TTC28: variants seen among roughly 807,000 people sequenced by gnomAD.
The protein encoded by TTC28 is tetratricopeptide repeat domain 28.
TTC28 carries 61 observed loss-of-function variants against 198.0 expected under a neutral mutation model. That is an observed-to-expected ratio of 0.31 (90% confidence interval 0.25 to 0.38). The LOEUF (loss-of-function observed/expected upper bound fraction) is 0.38, where lower values mean the gene tolerates loss of function less well. Among genes scored for constraint, TTC28 ranks in the 10% least tolerant of loss-of-function variants. The pLI, the probability that TTC28 is intolerant of heterozygous loss-of-function variation, is 1.00. For missense variants in TTC28, 2,678 were observed against 3,164.0 expected (o/e 0.85, Z 3.69); for synonymous variants, 1,171 against 1,297.8 (o/e 0.90, Z 2.10).
chr22:28,632,163 C>T (rs537017778), intron 1 of TTC28, among the ~76,000 whole-genome samples: 1 of 150,770 alleles, frequency 6.6e-6, no homozygotes, highest in East Asian at 1.9e-4. Context: ...TTCCTCTGTT[C>T]ACACGGATAT....
chr22:28,151,885 T>C (rs1943617018), intron 6 of TTC28, among the ~76,000 whole-genome samples: 1 of 152,166 alleles, frequency 6.6e-6, no homozygotes. Flanking sequence ...AAAGCTGAGG[T>C]GTGCAGTTTG....
intron 2 of TTC28, among the ~76,000 whole-genome samples, chr22:28,611,442 A>G (rs1256665618): frequency 6.6e-6 from 1 of 151,990 alleles, no homozygotes; most frequent in East Asian, 1.9e-4. Context: ...TTTTCAACCC[A>G]TAATTTCATA....
At chr22:28,640,493 G>C (rs972564240) in intron 1 of TTC28, among the ~76,000 whole-genome samples, 3 of 151,508 alleles carry the variant, frequency 2.0e-5, no homozygotes, top group Admixed American at 6.6e-5. Flanking sequence ...TGAACCCATA[G>C]CTTTCAGACT....
chr22:28,337,707 A>C lies in TTC28; in HGVS notation c.382-31064T>G, dbSNP rs374089894. Among the ~76,000 whole-genome samples the C allele has an allele frequency of 2.0e-5, 3 of 152,096 alleles. No homozygotes were observed. The East Asian group carries it at 5.8e-4, about 29-fold the overall frequency. ...CCATTTGCTTGGTAGATGTTCCTCCATCCCTTTATTTTGAGCCTATGTGTG... is the reference window on the plus strand; with the variant it reads ...CCATTTGCTTGGTAGATGTTCCTCCCTCCCTTTATTTTGAGCCTATGTGTG... On this transcript the variant is annotated intron_variant, in intron 2 of 22. Coordinates refer to ENST00000397906, the MANE Select transcript of TTC28 (RefSeq NM_001145418.2).
intron 12 of TTC28, among the ~76,000 whole-genome samples, chr22:28,044,560 G>A (rs546629476): frequency 1.3e-4 from 20 of 151,944 alleles, no homozygotes; most frequent in African/African-American, 2.7e-4. Flanking sequence ...CCATTAACTC[G>A]TCATTTATCA....
At chr22:28,324,473 T>C (rs566438122) in intron 2 of TTC28, among the ~76,000 whole-genome samples, 46 of 151,972 alleles carry the variant, frequency 3.0e-4, no homozygotes, top group African/African-American at 1.0e-3. Context: ...CTGATGATCA[T>C]TGATGCAAAA....
intron 6 of TTC28, among the ~76,000 whole-genome samples, chr22:28,130,418 T>C (rs1174627112): frequency 6.6e-6 from 1 of 152,226 alleles, no homozygotes; most frequent in African/African-American, 2.4e-5. Flanking sequence ...TAGTTGTATC[T>C]TCATAATGAT....
chr22:27,998,565 G>A lies in TTC28; in HGVS notation c.5094C>T (p.Ala1698=). 1.3e-6 allele frequency: 2 copies of A among 1,550,522 alleles called. No individual in the cohort carries two copies. The highest frequency in any genetic ancestry group is 1.7e-6 in the Non-Finnish European group (2 of 1,146,870). The change falls in exon 16 of 23, where the codon GCC becomes GCT. Residue 1698 remains alanine, a synonymous_variant. Coordinates refer to ENST00000397906, the MANE Select transcript of TTC28 (RefSeq NM_001145418.2). ...EAMKVVQSSK[A]FSHPSNWAGF... Reference sequence around the variant, plus strand: ...CTGCCCAGTTGGAGGGGTGCGAGAAGGCCTTGCTGCTCTGCACCACCTTCA... The same window carrying A: ...CTGCCCAGTTGGAGGGGTGCGAGAAAGCCTTGCTGCTCTGCACCACCTTCA...
chr22:28,430,282 T>A (rs2047412259), intron 2 of TTC28, among the ~76,000 whole-genome samples: 2 of 152,162 alleles, frequency 1.3e-5, no homozygotes, highest in Non-Finnish European at 2.9e-5. Context: ...GTAATTATCT[T>A]GTACTCTCTA....
chr22:28,202,408 G>A (rs1926045772), intron 5 of TTC28, among the ~76,000 whole-genome samples: 1 of 151,878 alleles, frequency 6.6e-6, no homozygotes, highest in Admixed American at 6.6e-5. Context: ...ATGGCAGCAG[G>A]AGCCTGTCAT....
intron 5 of TTC28, among the ~76,000 whole-genome samples, chr22:28,215,719 C>T (rs1445280902): frequency 1.3e-5 from 2 of 152,072 alleles, no homozygotes; most frequent in Non-Finnish European, 2.9e-5. Context: ...GATGTTCTAT[C>T]GCTCATATGC....
At position 28,293,604 on chromosome 22, in the gene TTC28, A is replaced by C. The variant is rs563964437; in HGVS notation, c.933+2594T>G. Among the ~76,000 whole-genome samples, 64 of 152,290 alleles carry C rather than the reference A, an allele frequency of 4.2e-4. No homozygotes were observed. The South Asian group carries it at 0.013, about 31-fold the overall frequency. ...CATATTGCATACTCAAAATTTGCTA[A>C]AAGATTAGATATGAAATGTTCCCCC... On this transcript the variant is annotated intron_variant, in intron 5 of 22. Transcript: ENST00000397906.
At chr22:28,458,479 G>A (rs1351029602) in intron 2 of TTC28, among the ~76,000 whole-genome samples, 1 of 152,120 alleles carries the variant, frequency 6.6e-6, no homozygotes, top group Non-Finnish European at 1.5e-5. Flanking sequence ...CTGAATTAAA[G>A]TTCTTAAACA....
Position 28,296,316 on chromosome 22 carries a change from C to A in TTC28, c.815G>T (p.Gly272Val). ...CAGATTCCCATGAGCTCGGCATTCT[C>A]CTGTCTGGTCACCTGGATTGAATTG... ...DVAKTLGDQT[G>V]ECRAHGNLGS... is the part of the protein sequence containing the mutation. Residue 272 changes from glycine to valine, a missense_variant, in exon 5 of 23, where the codon GGA becomes GTA. By Grantham distance (109) the Gly-to-Val change is moderately radical (BLOSUM62 -3). Coordinates refer to ENST00000397906, the MANE Select transcript of TTC28 (RefSeq NM_001145418.2). The A allele has an allele frequency of 6.5e-7, 1 of 1,533,480 alleles. No homozygotes were observed. The highest frequency in any genetic ancestry group is 8.8e-7 in the Non-Finnish European group (1 of 1,140,760). 95.0% of individuals were successfully genotyped at this position (1,533,480 alleles called of 1,614,324 possible).
chr22:28,647,985 G>C (rs879454427), intron 1 of TTC28, among the ~76,000 whole-genome samples: 17 of 151,658 alleles, frequency 1.1e-4, no homozygotes, highest in Non-Finnish European at 2.2e-4. Flanking sequence ...AGCACTTTGG[G>C]AGGCCGAGGC....
At chr22:28,293,706 A>G (rs1187281850) in intron 5 of TTC28, among the ~76,000 whole-genome samples, 1 of 152,226 alleles carries the variant, frequency 6.6e-6, no homozygotes, top group Non-Finnish European at 1.5e-5. Context: ...ATGAATAAAA[A>G]AACTAAGAAA....
At chr22:28,097,620 C>A (rs971453505) in intron 10 of TTC28, among the ~76,000 whole-genome samples, 2 of 152,126 alleles carry the variant, frequency 1.3e-5, no homozygotes, top group African/African-American at 4.8e-5. Context: ...GAACACAATG[C>A]AGCGGATTTA....
chr22:28,490,342 A>G (rs1205505541), intron 2 of TTC28, among the ~76,000 whole-genome samples: 1 of 152,094 alleles, frequency 6.6e-6, no homozygotes, highest in Non-Finnish European at 1.5e-5. Flanking sequence ...TTGCACCCCC[A>G]TTGCTCTGCT....
At chr22:27,986,537 G>A (rs557552366) in intron 21 of TTC28, 3 of 152,354 alleles carry the variant, frequency 2.0e-5, no homozygotes, top group South Asian at 2.1e-4. Flanking sequence ...AGAGCACTGG[G>A]TAGATCACTG....
Sources: gnomAD v4.1 joint callset for allele counts (sites outside exome capture counted in the v4.1 genomes callset) on GRCh38, gnomAD v4.1.1 for gene constraint, MANE v1.5 for transcripts, NCBI Gene and HGNC (gene_info 2026-07-23, HGNC 2026-07-21) for gene names.